Variants in MIB1 observed in about 807,000 individuals in gnomAD.
MIB1 encodes E3 ubiquitin-protein ligase MIB1.
A neutral mutation model predicts 124.5 loss-of-function variants in MIB1; 278 were observed. That is an observed-to-expected ratio of 2.23 (90% CI 2.02 to 2.47). MIB1 has a LOEUF of 2.47. Among genes scored for constraint, MIB1 ranks in the 30% most tolerant of loss-of-function variants. MIB1 has a pLI of 0.00. For missense variants in MIB1, 957 were observed against 1,254.4 expected, an observed-to-expected ratio of 0.76 and a Z score of 3.58; for synonymous variants, 446 against 429.4, an observed-to-expected ratio of 1.04 and a Z score of -0.48.
chr18:21,820,643 G>T (rs1161177808), intron 12 of MIB1, among the ~76,000 whole-genome samples: 2 of 152,152 alleles, frequency 1.3e-5, no homozygotes, highest in Non-Finnish European at 2.9e-5. Context: ...GAAGACAGTA[G>T]TATTATATTT....
chr18:21,763,395 G>A (rs1206996948), intron 1 of MIB1, among the ~76,000 whole-genome samples: 5 of 152,084 alleles, frequency 3.3e-5, no homozygotes, highest in Admixed American at 6.5e-5. Context: ...TTTCTGCTAA[G>A]CAAAGTCGTT....
chr18:21,789,555 C>CT (rs891146138), intron 6 of MIB1, among the ~76,000 whole-genome samples: 8 of 151,740 alleles, frequency 5.3e-5, no homozygotes, highest in East Asian at 1.9e-4. Context: ...AATCCTGGTA[C>CT]TTTTTTTTGC....
At chr18:21,780,790 T>C (rs570254289) in intron 6 of MIB1, among the ~76,000 whole-genome samples, 2 of 152,270 alleles carry the variant, frequency 1.3e-5, no homozygotes, top group African/African-American at 2.4e-5. Context: ...AACACTTAGG[T>C]TGATTTCATG....
At chr18:21,838,531 A>ATT in intron 13 of MIB1, 34 bp downstream of exon 13, 2 of 1,518,286 alleles carry the variant, frequency 1.3e-6, no homozygotes, top group East Asian at 2.3e-5. Flanking sequence ...CCTCTTTTTT[A>ATT]TTTTTTTTTA....
chr18:21,726,077 G>A (rs1323107169), intron 1 of MIB1, among the ~76,000 whole-genome samples: 1 of 152,132 alleles, frequency 6.6e-6, no homozygotes, highest in African/African-American at 2.4e-5. Flanking sequence ...ACTCATTTAA[G>A]TTGAAAAAGA....
chr18:21,784,895 C>T (rs117207547), intron 6 of MIB1, among the ~76,000 whole-genome samples: 2,855 of 152,246 alleles, frequency 0.019, 45 homozygotes, highest in Non-Finnish European at 0.031. Context: ...CAGGCCCGCC[C>T]GCAGCCATCC....
intron 1 of MIB1, among the ~76,000 whole-genome samples, chr18:21,705,280 G>A (rs757787493): frequency 3.9e-5 from 6 of 152,222 alleles, no homozygotes; most frequent in Non-Finnish European, 5.9e-5. Flanking sequence ...CATCATACTC[G>A]ACTCTGAATC....
intron 1 of MIB1, among the ~76,000 whole-genome samples, chr18:21,731,648 C>T (rs1232753254): frequency 6.1e-5 from 9 of 147,684 alleles, no homozygotes; most frequent in East Asian, 4.1e-4. Flanking sequence ...AGGAGAATGG[C>T]GTGAACCCGG....
At chr18:21,826,979 C>T (rs995944134) in intron 12 of MIB1, 1 of 152,102 alleles carries the variant, frequency 6.6e-6, no homozygotes, top group African/African-American at 2.4e-5. Flanking sequence ...AGCAATAATA[C>T]TGGCTTCTAT....
intron 1 of MIB1, among the ~76,000 whole-genome samples, chr18:21,732,351 TACACAC>T (rs59731612): frequency 0.07 from 9,819 of 140,980 alleles, 367 homozygotes; most frequent in Non-Finnish European, 0.076. Flanking sequence ...ATTATATGTA[TACACAC>T]ACACACACAC....
Position 21,870,057 on chromosome 18 carries a change from G to A in MIB1, c.*5391G>A, listed in dbSNP as rs558320374. 12 of 152,358 alleles carry A rather than the reference G, an allele frequency of 7.9e-5. No individual in the cohort carries two copies. Among genetic ancestry groups the A allele is most frequent in the African/African-American group, 1.9e-4 (8 of 41,384 alleles). The allele number at this position is 152,358 out of a possible 1,614,324, so 9.4% of individuals were successfully genotyped here. The stretch of plus-strand genomic sequence containing the variant: ...AGTCTTGTTTGTGAATATAGTTTCC[G>A]TATGGCAAATGATTTCTTGCTTATT... On this transcript the variant is annotated 3_prime_UTR_variant, in exon 21 of 21. Coordinates refer to ENST00000261537, the MANE Select transcript of MIB1 (RefSeq NM_020774.4).
chr18:21,706,317 C>T (rs950704937), intron 1 of MIB1, among the ~76,000 whole-genome samples: 1 of 152,134 alleles, frequency 6.6e-6, no homozygotes, highest in Admixed American at 6.5e-5. Flanking sequence ...CTGATCCACT[C>T]GCCTCGGCCT....
At chr18:21,808,782 C>T (rs2041737795) in intron 10 of MIB1, among the ~76,000 whole-genome samples, 1 of 152,066 alleles carries the variant, frequency 6.6e-6, no homozygotes, top group African/African-American at 2.4e-5. Flanking sequence ...GCCGTGGACT[C>T]TATTTTTTTC....
chr18:21,814,577 A>C (rs1394131148), intron 10 of MIB1, among the ~76,000 whole-genome samples: 1 of 151,800 alleles, frequency 6.6e-6, no homozygotes, highest in Non-Finnish European at 1.5e-5. Flanking sequence ...CAGGACCCTG[A>C]TTCTTTTTTT....
intron 1 of MIB1, among the ~76,000 whole-genome samples, chr18:21,763,728 T>C (rs561152913): frequency 5.9e-5 from 9 of 152,246 alleles, no homozygotes; most frequent in African/African-American, 2.2e-4. Context: ...TCTACATCTT[T>C]TGTCTCCTGA....
intron 11 of MIB1, among the ~76,000 whole-genome samples, chr18:21,817,154 CTTT>C (rs1040673828): frequency 9.3e-5 from 7 of 74,994 alleles, no homozygotes; most frequent in East Asian, 4.5e-4. Context: ...GTTAGGAATT[CTTT>C]TTTTTTTTTT....
chr18:21,838,644 A>C, intron 13 of MIB1, 147 bp downstream of exon 13: 1 of 602,960 alleles, frequency 1.7e-6, no homozygotes, highest in Non-Finnish European at 2.8e-6. Context: ...GATATAATGC[A>C]TATTCTGTCT....
rs1440887814 is a variant in MIB1, at chr18:21,779,538, T to C, written c.761T>C (p.Ile254Thr). Reference protein sequence around the residue: ...GGLQIGDLVNIDLDLEIVQSL... With the variant: ...GGLQIGDLVNTDLDLEIVQSL... Reference sequence around the variant, plus strand: ...TTGCAGATTGGTGACCTGGTAAATATAGATCTCGACCTCGAAATTGTACAG... The same window carrying C: ...TTGCAGATTGGTGACCTGGTAAATACAGATCTCGACCTCGAAATTGTACAG... The change falls in exon 6 of 21, where the codon ATA (isoleucine) becomes ACA (threonine). Residue 254 changes from isoleucine (I) to threonine (T), a missense_variant. Coordinates refer to ENST00000261537, the MANE Select transcript of MIB1 (RefSeq NM_020774.4). 4 of 1,614,048 alleles carry C rather than the reference T, an allele frequency of 2.5e-6. No homozygotes were observed. Among genetic ancestry groups the C allele is most frequent in the Non-Finnish European group, 3.4e-6 (4 of 1,180,020 alleles).
intron 1 of MIB1, among the ~76,000 whole-genome samples, chr18:21,763,072 G>GTTTTTTTTTTTTTTTTTTT (rs796211842): frequency 7.0e-6 from 1 of 143,300 alleles, no homozygotes; most frequent in Non-Finnish European, 1.5e-5. Context: ...ATTTTTTTCT[G>GTTTTTTTTTTTTTTTTTTT]TTTTTTTTTT....
Sources: gnomAD v4.1 joint callset for allele counts (sites outside exome capture counted in the v4.1 genomes callset) on GRCh38, gnomAD v4.1.1 for gene constraint, MANE v1.5 for transcripts, NCBI Gene and HGNC (gene_info 2026-07-23, HGNC 2026-07-21) for gene names.